ARFGEF3: variants seen among roughly 807,000 people sequenced by gnomAD.
ARFGEF3 encodes the protein ARFGEF family member 3, also known as brefeldin A-inhibited guanine nucleotide-exchange protein 3.
In ARFGEF3, 96 loss-of-function variants were observed where a neutral mutation model predicts 221.7. The observed-to-expected ratio is 0.43, with a 90% CI of 0.37 to 0.51. The LOEUF is 0.51. Ranked by LOEUF, ARFGEF3 falls within the 20% of genes least tolerant of loss-of-function variation. The probability of loss-of-function intolerance (pLI) is 0.00; values close to 1 mark genes in which losing one functional copy is unlikely to be tolerated. For synonymous variants in ARFGEF3, 1,145 were observed against 1,126.8 expected (o/e 1.02, Z -0.32); for missense variants, 2,410 against 2,789.9 (o/e 0.86, Z 3.07).
intron 3 of ARFGEF3, among the ~76,000 whole-genome samples, chr6:138,208,415 T>C (rs942695226): frequency 6.6e-6 from 1 of 152,082 alleles, no homozygotes; most frequent in Admixed American, 6.5e-5. Context: ...ATAGGCAAAA[T>C]TTCAGGGAGT....
chr6:138,273,022 C>T (rs1401352097), intron 12 of ARFGEF3, among the ~76,000 whole-genome samples: 1 of 152,106 alleles, frequency 6.6e-6, no homozygotes, highest in Non-Finnish European at 1.5e-5. Flanking sequence ...GTGGTATATG[C>T]ACAGTCATTA....
intron 10 of ARFGEF3, among the ~76,000 whole-genome samples, chr6:138,259,994 A>C (rs1008681167): frequency 3.3e-5 from 5 of 152,100 alleles, no homozygotes; most frequent in African/African-American, 1.2e-4. Flanking sequence ...TTGTGGTGGG[A>C]TGCCAGGAGA....
chr6:138,264,513 T>C (rs1303921092), intron 12 of ARFGEF3, among the ~76,000 whole-genome samples: 2 of 152,210 alleles, frequency 1.3e-5, no homozygotes, highest in Admixed American at 6.5e-5. Context: ...TCCAAAGGGC[T>C]GACCCTGGGA....
chr6:138,293,898 C>T, intron 19 of ARFGEF3, 95 bp from the exon 20 acceptor site: 1 of 1,248,640 alleles, frequency 8.0e-7, no homozygotes, highest in Non-Finnish European at 1.1e-6. Flanking sequence ...ACAGCATTTC[C>T]ATTAATCACA....
chr6:138,321,170 G>A lies in ARFGEF3; in HGVS notation c.4711G>A (p.Ala1571Thr), dbSNP rs3736706. The change falls in exon 29 of 34, where the codon GCC (alanine) becomes ACC (threonine). Residue 1571 changes from alanine (A) to threonine (T), a missense_variant. By Grantham distance (58) the Ala-to-Thr change is moderately conservative. Around this residue, in one of 5 missense-constraint regions of ARFGEF3, gnomAD observed 723 missense variants for 991.9 expected, o/e 0.73. Transcript: ENST00000251691. Reference protein sequence around the residue: ...MLKDLFELLVACVAKPTETIS... With the variant: ...MLKDLFELLVTCVAKPTETIS... ...GAAGGACCTCTTTGAGTTGCTGGTC[G>A]CCTGTGTGGCCAAGCCCACTGAAAC... The A allele has an allele frequency of 1.4e-3, 2,231 of 1,564,008 alleles. 23 individuals are homozygous for A. In the East Asian group the frequency reaches 0.022, roughly 16 times the overall value.
chr6:138,274,839 G>A (rs1237650204), intron 12 of ARFGEF3, among the ~76,000 whole-genome samples: 4 of 148,460 alleles, frequency 2.7e-5, no homozygotes, highest in Admixed American at 1.4e-4. Flanking sequence ...CAGGCATGGT[G>A]GCTCACACCT....
chr6:138,199,542 A>G (rs554347037), intron 2 of ARFGEF3, among the ~76,000 whole-genome samples: 59 of 152,322 alleles, frequency 3.9e-4, no homozygotes, highest in African/African-American at 1.3e-3. Context: ...TGTGTCGTCT[A>G]TGATTTCTTT....
chr6:138,210,831 A>G (rs1299837684), intron 4 of ARFGEF3, among the ~76,000 whole-genome samples: 1 of 152,208 alleles, frequency 6.6e-6, no homozygotes, highest in Non-Finnish European at 1.5e-5. Context: ...CTTCCTGGAA[A>G]TGCACTGAAG....
rs139477125 is a variant in ARFGEF3, at chr6:138,276,007, A to G, written c.2129-2444A>G. Among the ~76,000 whole-genome samples the G allele has an allele frequency of 1.2e-3, 184 of 152,320 alleles. 1 individual carries two copies. The highest frequency in any genetic ancestry group is 0.01 in the East Asian group (52 of 5,182). On this transcript the variant is annotated intron_variant, in intron 12 of 33. Coordinates refer to ENST00000251691, the MANE Select transcript of ARFGEF3 (RefSeq NM_020340.5). ...TTTGCATGCACAAATGTAGAGATGA[A>G]CTGTTTCCCACACATCCCTAGATTT... is the stretch of plus-strand genomic sequence containing the variant.
At chr6:138,256,970 A>G (rs1196232597) in intron 10 of ARFGEF3, among the ~76,000 whole-genome samples, 2 of 151,930 alleles carry the variant, frequency 1.3e-5, no homozygotes, top group African/African-American at 2.4e-5. Flanking sequence ...TTTTTTGTAG[A>G]GACGTGTTGC....
intron 4 of ARFGEF3, among the ~76,000 whole-genome samples, chr6:138,212,558 T>C (rs1777750410): frequency 6.6e-6 from 1 of 152,158 alleles, no homozygotes; most frequent in Non-Finnish European, 1.5e-5. Flanking sequence ...ATCATGCTAC[T>C]ATAAAGACAC....
At chr6:138,198,603 A>C (rs73564953) in intron 2 of ARFGEF3, among the ~76,000 whole-genome samples, 420 of 152,330 alleles carry the variant, frequency 2.8e-3, no homozygotes, top group African/African-American at 9.4e-3. Flanking sequence ...CAGTGAGGGT[A>C]GAAACCTTTC....
At chr6:138,264,448 G>T (rs1308041614) in intron 12 of ARFGEF3, among the ~76,000 whole-genome samples, 1 of 152,258 alleles carries the variant, frequency 6.6e-6, no homozygotes, top group East Asian at 1.9e-4. Context: ...AAGTACAAGG[G>T]TCTCTTGACC....
rs1562356455 is a variant in ARFGEF3, at chr6:138,215,977, GTT to G, written c.351+5937_351+5938del. On this transcript the variant is annotated intron_variant, in intron 4 of 33. Transcript: ENST00000251691. ...TTTGGTTTTTTGGTTTTTTGTTGTT[GTT>G]GTTTTTTTTTTTGGGTGGGGGGGAG... is the stretch of plus-strand genomic sequence containing the variant. 1.6e-4 allele frequency: 23 copies of G among 147,230 alleles called. 1 individual carries two copies. The highest frequency in any genetic ancestry group is 5.8e-4 in the African/African-American group (23 of 39,894). 9.1% of individuals were successfully genotyped at this position (147,230 alleles called of 1,614,324 possible). A position where few individuals can be genotyped will look rare whatever the true frequency, so the allele number is the denominator to read the frequency against.
chr6:138,248,609 G>A (rs2114565811), intron 8 of ARFGEF3, among the ~76,000 whole-genome samples: 1 of 152,262 alleles, frequency 6.6e-6, no homozygotes, highest in South Asian at 2.1e-4. Context: ...AACCTAGCTA[G>A]AGGTCAGGAG....
At position 138,291,150 on chromosome 6, in the gene ARFGEF3, A is replaced by G. The variant is rs543304007; in HGVS notation, c.3048-583A>G. On this transcript the variant is annotated intron_variant, in intron 18 of 33. Transcript: ENST00000251691. The surrounding 1 kb of genome is among the most constrained non-coding windows in gnomAD (Gnocchi z 4.5). The stretch of plus-strand genomic sequence containing the variant: ...GTTGGCAGTTGTAGCACATGTGGTG[A>G]CCCTTCTCTGTGTCTGCCATAATTC... Among the ~76,000 whole-genome samples, 1 of 151,606 alleles carries G rather than the reference A, an allele frequency of 6.6e-6. No individual in the cohort carries two copies. The highest frequency in any genetic ancestry group is 2.0e-4 in the East Asian group (1 of 5,128).
chr6:138,286,929 G>A lies in ARFGEF3; in HGVS notation c.2785+13G>A. 1 of 1,611,926 alleles carries A rather than the reference G, an allele frequency of 6.2e-7. No homozygotes were observed. The highest frequency in any genetic ancestry group is 8.5e-7 in the Non-Finnish European group (1 of 1,179,280). ...AGCTGCGCTCTAGGTACCAGCGGGA[G>A]TAGTGTTCCCTGGCCGTGGTCCTGC... On this transcript the variant is annotated intron_variant, in intron 16 of 33. Transcript: ENST00000251691.
rs904993328 is a variant in ARFGEF3 at position 138,343,784 on chromosome 6, T to C, written c.*7298T>C. 5.3e-5 allele frequency: 8 copies of C among 152,176 alleles called. No homozygotes were observed. Among genetic ancestry groups the C allele is most frequent in the African/African-American group, 1.7e-4 (7 of 41,440 alleles). 9.4% of individuals were successfully genotyped at this position (152,176 alleles called of 1,614,324 possible). On this transcript the variant is annotated 3_prime_UTR_variant, in exon 34 of 34. Coordinates refer to ENST00000251691, the MANE Select transcript of ARFGEF3 (RefSeq NM_020340.5). ...CTACATTTCTTTCATCTGGTTCTTA[T>C]TGGGAGTGCTTCTCTCTAATAAAAA...
At chr6:138,235,506 T>C (rs1778268468) in intron 5 of ARFGEF3, among the ~76,000 whole-genome samples, 1 of 152,208 alleles carries the variant, frequency 6.6e-6, no homozygotes, top group African/African-American at 2.4e-5. Context: ...AAGAAGAAAC[T>C]GATGAGCTCT....
Sources: gnomAD v4.1 joint callset for allele counts (sites outside exome capture counted in the v4.1 genomes callset) on GRCh38, gnomAD v4.1.1 for gene constraint, gnomAD v4.1.1 regional missense constraint, Gnocchi (gnomAD v3.1) non-coding constraint, MANE v1.5 for transcripts, NCBI Gene and HGNC (gene_info 2026-07-23, HGNC 2026-07-21) for gene names.